Variants in PRMT8 observed in about 807,000 individuals in gnomAD.
The protein encoded by PRMT8 is protein arginine N-methyltransferase 8.
PRMT8 carries 7 observed loss-of-function variants against 47.1 expected under a neutral mutation model. That is an observed-to-expected ratio of 0.15 (90% CI 0.08 to 0.28). The LOEUF (loss-of-function observed/expected upper bound fraction) is 0.28. Among genes scored for constraint, PRMT8 ranks in the 10% least tolerant of loss-of-function variants. The pLI is 1.00. For missense variants in PRMT8, 237 were observed against 505.4 expected, an observed-to-expected ratio of 0.47 and a Z score of 5.09; for synonymous variants, 188 against 186.5, an observed-to-expected ratio of 1.01 and a Z score of -0.07.
chr12:3,472,405 C>T (rs890440302), intron 1 of PRMT8, among the ~76,000 whole-genome samples: 4 of 152,080 alleles, frequency 2.6e-5, no homozygotes, highest in East Asian at 1.9e-4. Flanking sequence ...TGAATTTGTC[C>T]GCAGCCCTTC....
At position 3,392,751 on chromosome 12, in the gene PRMT8, G is replaced by T. The variant is rs11830514; in HGVS notation, c.48+11309G>T. ...CAGTAATGGGATGGCTGGGTCAAAT[G>T]GTATTTCTAGTTCTAGATCCCTGAG... On this transcript the variant is annotated intron_variant, in intron 1 of 9. Transcript: ENST00000452611. Among the ~76,000 whole-genome samples the T allele has an allele frequency of 3.7e-3, 570 of 152,084 alleles. 2 individuals are homozygous for T. The highest frequency in any genetic ancestry group is 0.013 in the African/African-American group (545 of 41,468).
intron 1 of PRMT8, among the ~76,000 whole-genome samples, chr12:3,421,185 C>G (rs573882999): frequency 6.6e-6 from 1 of 152,202 alleles, no homozygotes; most frequent in African/African-American, 2.4e-5. Flanking sequence ...TCCCATAGAT[C>G]GTTAGCATCG....
At chr12:3,487,954 C>T (rs1225866205), upstream of PRMT8, among the ~76,000 whole-genome samples, 1 of 152,182 alleles carries the variant, frequency 6.6e-6, no homozygotes, top group Non-Finnish European at 1.5e-5. Flanking sequence ...AACTAAAGCA[C>T]TGGTATTTTT....
intron 1 of PRMT8, among the ~76,000 whole-genome samples, chr12:3,396,655 T>A (rs2137048344): frequency 6.6e-6 from 1 of 151,634 alleles, no homozygotes; most frequent in Non-Finnish European, 1.5e-5. Flanking sequence ...ATTTTTTCCT[T>A]CATTTCAACT....
intron 1 of PRMT8, among the ~76,000 whole-genome samples, chr12:3,424,237 G>T (rs1034622175): frequency 6.6e-6 from 1 of 152,112 alleles, no homozygotes; most frequent in African/African-American, 2.4e-5. Context: ...AAGGTCACAC[G>T]CTCCCCTTTT....
At chr12:3,467,998 A>C (rs1295346029) in intron 1 of PRMT8, among the ~76,000 whole-genome samples, 2 of 152,276 alleles carry the variant, frequency 1.3e-5, no homozygotes, top group Non-Finnish European at 1.5e-5. Flanking sequence ...GACTCAGGGA[A>C]CCTCTATTTC....
intron 2 of PRMT8, among the ~76,000 whole-genome samples, chr12:3,541,031 A>T (rs781364641): frequency 1.2e-4 from 18 of 152,190 alleles, no homozygotes; most frequent in Non-Finnish European, 2.4e-4. Flanking sequence ...GAGAGAGCAC[A>T]CAAGGTGCTT....
At chr12:3,416,861 A>G (rs1444978639) in intron 1 of PRMT8, among the ~76,000 whole-genome samples, 1 of 152,238 alleles carries the variant, frequency 6.6e-6, no homozygotes, top group Non-Finnish European at 1.5e-5. Context: ...TGCAGGCTTA[A>G]GTACATTTTC....
At chr12:3,395,432 A>G (rs1425417036) in intron 1 of PRMT8, among the ~76,000 whole-genome samples, 1 of 150,138 alleles carries the variant, frequency 6.7e-6, no homozygotes, top group Non-Finnish European at 1.5e-5. Flanking sequence ...TGTTGGTTTC[A>G]AAGAACATCT....
chr12:3,389,860 A>G (rs1864175809), intron 1 of PRMT8, among the ~76,000 whole-genome samples: 2 of 152,236 alleles, frequency 1.3e-5, no homozygotes, highest in South Asian at 4.1e-4. Flanking sequence ...AGGGCAGAAC[A>G]TGGCTGGTTG....
At chr12:3,410,189 C>T (rs550592159) in intron 1 of PRMT8, among the ~76,000 whole-genome samples, 1 of 152,190 alleles carries the variant, frequency 6.6e-6, no homozygotes, top group Non-Finnish European at 1.5e-5. Context: ...CAGAATTTGG[C>T]AAACTTATTG....
intron 1 of PRMT8, among the ~76,000 whole-genome samples, chr12:3,419,890 G>C (rs1012713444): frequency 6.6e-6 from 1 of 150,796 alleles, no homozygotes; most frequent in Admixed American, 6.6e-5. Context: ...ACCTCATCAT[G>C]CTGTGAGTAT....
At chr12:3,448,804 G>A (rs1440517400) in intron 1 of PRMT8, among the ~76,000 whole-genome samples, 2 of 152,116 alleles carry the variant, frequency 1.3e-5, no homozygotes, top group Non-Finnish European at 2.9e-5. Flanking sequence ...GTAAACATGT[G>A]CCATGGTGGT....
rs1301052294 is a variant in PRMT8, at chr12:3,552,997, AG to A, written c.418-651del. The stretch of plus-strand genomic sequence containing the variant: ...AGCTTGGCTTCCAACCATTCCCATG[AG>A]GGCCTGCTCTCAGGGAAGGTCCACT... On this transcript the variant is annotated intron_variant, in intron 3 of 9. Transcript: ENST00000382622. This position sits in a 1 kb window ranked among gnomAD's most constrained non-coding sequence, Gnocchi z 4.5. 36 of 317,500 alleles carry A rather than the reference AG, an allele frequency of 1.1e-4. No homozygotes were observed. In the East Asian group the frequency reaches 2.7e-3, roughly 24 times the overall value. 19.7% of individuals were successfully genotyped at this position (317,500 alleles called of 1,614,324 possible).
At chr12:3,478,953 T>C (rs1865245600) in intron 1 of PRMT8, among the ~76,000 whole-genome samples, 1 of 152,226 alleles carries the variant, frequency 6.6e-6, no homozygotes, top group Non-Finnish European at 1.5e-5. Flanking sequence ...TGTTGGAGGC[T>C]GTACGTGCTG....
chr12:3,517,504 C>T (rs140283298), intron 1 of PRMT8, among the ~76,000 whole-genome samples: 80 of 152,230 alleles, frequency 5.3e-4, no homozygotes, highest in Non-Finnish European at 8.7e-4. Flanking sequence ...ACCAGGCAAG[C>T]TCATGCATGA....
chr12:3,397,792 G>A (rs11830317), intron 1 of PRMT8, among the ~76,000 whole-genome samples: 5 of 151,850 alleles, frequency 3.3e-5, no homozygotes, highest in African/African-American at 7.3e-5. Flanking sequence ...GGGCAATGGC[G>A]GGCGCCCCTC....
chr12:3,571,863 A>T (rs1396188856), intron 6 of PRMT8, among the ~76,000 whole-genome samples: 1 of 152,250 alleles, frequency 6.6e-6, no homozygotes, highest in African/African-American at 2.4e-5. Flanking sequence ...GTTCTAAATC[A>T]GAAGTAAAGC....
chr12:3,556,304 C>G (rs1445701399), intron 4 of PRMT8, among the ~76,000 whole-genome samples: 2 of 151,928 alleles, frequency 1.3e-5, no homozygotes, highest in Non-Finnish European at 2.9e-5. Flanking sequence ...AGATGGGGCT[C>G]TAGGGCACTA....
Sources: allele counts gnomAD v4.1 joint callset (sites outside exome capture counted in the v4.1 genomes callset), GRCh38; gene constraint gnomAD v4.1.1; non-coding constraint Gnocchi (gnomAD v3.1); transcripts MANE v1.5; gene names NCBI Gene and HGNC (gene_info 2026-07-23, HGNC 2026-07-21).